NECTIN1: variants seen among roughly 807,000 people sequenced by gnomAD.
NECTIN1 encodes the protein nectin-1.
A neutral mutation model predicts 48.0 loss-of-function variants in NECTIN1; 23 were observed. The ratio of observed to expected loss-of-function variants is 0.48; its 90% CI spans 0.34 to 0.68. The LOEUF (loss-of-function observed/expected upper bound fraction) is 0.68. Among genes scored for constraint, NECTIN1 ranks in the 30% least tolerant of loss-of-function variants. The pLI, the probability that NECTIN1 is intolerant of heterozygous loss-of-function variation, is 0.01. For synonymous variants in NECTIN1, 270 were observed against 288.9 expected, an observed-to-expected ratio of 0.93 and a Z score of 0.66; for missense variants, 591 against 709.9, an observed-to-expected ratio of 0.83 and a Z score of 1.90.
chr11:119,643,604 G>A (rs1864355749), intron 5 of NECTIN1, among the ~76,000 whole-genome samples: 1 of 152,202 alleles, frequency 6.6e-6, no homozygotes, highest in Non-Finnish European at 1.5e-5. Context: ...TGAATAGGGG[G>A]GCCCTGGTTG....
chr11:119,678,406 G>T lies in NECTIN1; in HGVS notation c.430+9C>A, dbSNP rs760052974. The T allele has an allele frequency of 1.2e-6, 2 of 1,612,420 alleles. No individual in the cohort carries two copies. Among genetic ancestry groups the T allele is most frequent in the East Asian group, 2.2e-5 (1 of 44,874 alleles). On this transcript the variant is annotated intron_variant, in intron 2 of 5. Coordinates refer to ENST00000264025, the MANE Select transcript of NECTIN1 (RefSeq NM_002855.5). The surrounding 1 kb of genome is among the most constrained non-coding windows in gnomAD (Gnocchi z 4.4). ...TGGATGAACAGGGAGGGGGCCCAGG[G>T]CAGCTTACCCATCACCGTGAGATTG...
Position 119,677,340 on chromosome 11 carries a change from G to T in NECTIN1, c.734-121C>A. On this transcript the variant is annotated intron_variant, in intron 3 of 5. Coordinates refer to ENST00000264025, the MANE Select transcript of NECTIN1 (RefSeq NM_002855.5). The surrounding 1 kb of genome is among the most constrained non-coding windows in gnomAD (Gnocchi z 5.4). The stretch of plus-strand genomic sequence containing the variant: ...ATGGAAACAGCCAGGAGAGAGGGAA[G>T]TGTGGGTGGGAGGGTGGCAATCACA... 1 of 1,056,010 alleles carries T rather than the reference G, an allele frequency of 9.5e-7. No individual in the cohort carries two copies. The highest frequency in any genetic ancestry group is 1.5e-6 in the Non-Finnish European group (1 of 683,262). The allele number at this position is 1,056,010 out of a possible 1,614,324, so 65.4% of individuals were successfully genotyped here. A position where few individuals can be genotyped will look rare whatever the true frequency, so the allele number is the denominator to read the frequency against.
At position 119,729,050 on chromosome 11, in the gene NECTIN1, C is replaced by G; in HGVS notation, c.-497G>C. 1 of 150,498 alleles carries G rather than the reference C, an allele frequency of 6.6e-6. No homozygotes were observed. The highest frequency in any genetic ancestry group is 1.8e-4 in the South Asian group (1 of 5,612). The allele number at this position is 150,498 out of a possible 1,614,324, so 9.3% of individuals were successfully genotyped here. ...CGGGGCCCAGGCGGCGGGCGCGGGGCTCGGCGGTCGGCGGCCCGGGTGGCT... is the reference window on the plus strand; with the variant it reads ...CGGGGCCCAGGCGGCGGGCGCGGGGGTCGGCGGTCGGCGGCCCGGGTGGCT... On this transcript the variant is annotated 5_prime_UTR_variant, in exon 1 of 6. Coordinates refer to ENST00000264025, the MANE Select transcript of NECTIN1 (RefSeq NM_002855.5).
intron 6 of NECTIN1, among the ~76,000 whole-genome samples, chr11:119,639,130 C>G (rs1864282997): frequency 6.6e-6 from 1 of 152,208 alleles, no homozygotes; most frequent in African/African-American, 2.4e-5. Context: ...GGCCCTCACC[C>G]AGGGCGGGCA....
intron 5 of NECTIN1, chr11:119,674,331 C>A (rs999225236): frequency 1.5e-6 from 2 of 1,376,466 alleles, no homozygotes; most frequent in Non-Finnish European, 1.9e-6. Flanking sequence ...CAGTTTACCC[C>A]TGTGTGGACT....
chr11:119,695,625 G>A (rs1025528272), intron 1 of NECTIN1, among the ~76,000 whole-genome samples: 12 of 151,330 alleles, frequency 7.9e-5, no homozygotes, highest in Non-Finnish European at 7.4e-5. Flanking sequence ...AGGTCACTGC[G>A]ATCTTTTAAT....
Position 119,728,494 on chromosome 11 carries a change from C to G in NECTIN1, c.60G>C (p.Leu20Phe). The G allele has an allele frequency of 6.2e-7, 1 of 1,601,968 alleles. No individual in the cohort carries two copies. The highest frequency in any genetic ancestry group is 8.5e-7 in the Non-Finnish European group (1 of 1,175,294). ...TCTTACCTGGGAGGAAGAATGCGGT[C>G]AAGCCGAGAGCGAGTCCCCACCAGC... is the stretch of plus-strand genomic sequence containing the variant. ...AGRWWGLALG[L>F]TAFFLPGVHS... is the part of the protein sequence containing the mutation. The change falls in exon 1 of 6, where the codon TTG becomes TTC. Residue 20 changes from leucine (L) to phenylalanine (F), a missense_variant. Transcript: ENST00000264025.
Position 119,674,491 on chromosome 11 carries a change from T to C in NECTIN1, c.1003+668A>G, listed in dbSNP as rs1238189743. ...GACAACAGCCCTTCAAGGTACATCA[T>C]ACTGTCCCCGTTTTACAGATGGTGG... On this transcript the variant is annotated intron_variant, in intron 5 of 5. Coordinates refer to ENST00000264025, the MANE Select transcript of NECTIN1 (RefSeq NM_002855.5). 1.9e-6 allele frequency: 3 copies of C among 1,612,578 alleles called. No homozygotes were observed. In the Admixed American group the frequency reaches 5.0e-5, roughly 27 times the overall value.
In NECTIN1 at chr11:119,684,762, G is replaced by A. The variant is rs942320813; in HGVS notation, c.80-5997C>T. Among the ~76,000 whole-genome samples the A allele has an allele frequency of 3.9e-5, 6 of 152,174 alleles. No homozygotes were observed. The highest frequency in any genetic ancestry group is 9.7e-5 in the African/African-American group (4 of 41,440). ...GGGAGAGAGGCCGGTGTGGAGGAGCGTGCAATCAGGACACCCACTTCCTTT... is the reference window on the plus strand; with the variant it reads ...GGGAGAGAGGCCGGTGTGGAGGAGCATGCAATCAGGACACCCACTTCCTTT... On this transcript the variant is annotated intron_variant, in intron 1 of 5. Coordinates refer to ENST00000264025, the MANE Select transcript of NECTIN1 (RefSeq NM_002855.5). The surrounding 1 kb of genome is among the most constrained non-coding windows in gnomAD (Gnocchi z 5.2).
intron 5 of NECTIN1, among the ~76,000 whole-genome samples, chr11:119,670,481 A>G (rs1472120216): frequency 6.6e-6 from 1 of 152,140 alleles, no homozygotes; most frequent in African/African-American, 2.4e-5. Flanking sequence ...TTCTAGGCAG[A>G]GCAAGTATTG....
rs56350355 is a variant in NECTIN1, at chr11:119,670,644, C to CTTTT, written c.1003+4511_1003+4514dup. On this transcript the variant is annotated intron_variant, in intron 5 of 5. Coordinates refer to ENST00000264025, the MANE Select transcript of NECTIN1 (RefSeq NM_002855.5). Reference sequence around the variant, plus strand: ...TCTATTTAATTCTTTTTCCTAAGTCCTTTTTTTTTTTTTTTTTTTTGAGAC... The same window carrying CTTTT: ...TCTATTTAATTCTTTTTCCTAAGTCCTTTTTTTTTTTTTTTTTTTTTTTTGAGAC... Among the ~76,000 whole-genome samples, 236 of 113,884 alleles carry CTTTT rather than the reference C, an allele frequency of 2.1e-3. 10 individuals carry two copies. Among genetic ancestry groups the CTTTT allele is most frequent in the African/African-American group, 5.6e-3 (166 of 29,660 alleles). 74.7% of individuals were successfully genotyped at this position (113,884 alleles called of 152,430 possible). A position where few individuals can be genotyped will look rare whatever the true frequency, so the allele number is the denominator to read the frequency against.
At chr11:119,660,872 A>T (rs990785384), downstream of NECTIN1, 4 of 453,376 alleles carry the variant, frequency 8.8e-6, no homozygotes, top group Non-Finnish European at 8.7e-6. Context: ...GGAACCCTGG[A>T]ACCTGGACAT....
Position 119,727,264 on chromosome 11 carries a change from G to T in NECTIN1, c.79+1211C>A, listed in dbSNP as rs547339579. Among the ~76,000 whole-genome samples, 7 of 152,334 alleles carry T rather than the reference G, an allele frequency of 4.6e-5. No homozygotes were observed. Among genetic ancestry groups the T allele is most frequent in the African/African-American group, 1.7e-4 (7 of 41,570 alleles). ...CGATAACAAACTGCCTGGCCATTCTGCGGCAAAGCACATTGCAGGAACTCG... is the reference window on the plus strand; with the variant it reads ...CGATAACAAACTGCCTGGCCATTCTTCGGCAAAGCACATTGCAGGAACTCG... On this transcript the variant is annotated intron_variant, in intron 1 of 5. Coordinates refer to ENST00000264025, the MANE Select transcript of NECTIN1 (RefSeq NM_002855.5). This position sits in a 1 kb window ranked among gnomAD's most constrained non-coding sequence, Gnocchi z 4.1.
intron 5 of NECTIN1, among the ~76,000 whole-genome samples, chr11:119,668,191 C>T (rs929078454): frequency 2.0e-5 from 3 of 152,190 alleles, no homozygotes; most frequent in African/African-American, 7.2e-5. Flanking sequence ...GGTTTGCCAT[C>T]TTCCTTCTAA....
rs1591448536 is a variant in NECTIN1 at position 119,664,537 on chromosome 11, G to A, written c.*210C>T. 3.5e-6 allele frequency: 5 copies of A among 1,424,398 alleles called. No homozygotes were observed. The highest frequency in any genetic ancestry group is 3.7e-6 in the Non-Finnish European group (4 of 1,093,312). The allele number at this position is 1,424,398 out of a possible 1,614,324, so 88.2% of individuals were successfully genotyped here. Reference sequence around the variant, plus strand: ...AAGCCACAGTCGAACACAACACCATGGGGAAGGGCGGAGGAGAGGGAGGAA... The same window carrying A: ...AAGCCACAGTCGAACACAACACCATAGGGAAGGGCGGAGGAGAGGGAGGAA... On this transcript the variant is annotated 3_prime_UTR_variant, in exon 6 of 6. Transcript: ENST00000264025.
chr11:119,676,927 T>C lies in NECTIN1; in HGVS notation c.851+175A>G, dbSNP rs1864960967. Reference sequence around the variant, plus strand: ...TTGACACTGTCACACATGGACGTAATGTATATGTGTGTGTTGGGGGTGGGG... The same window carrying C: ...TTGACACTGTCACACATGGACGTAACGTATATGTGTGTGTTGGGGGTGGGG... On this transcript the variant is annotated intron_variant, in intron 4 of 5. Coordinates refer to ENST00000264025, the MANE Select transcript of NECTIN1 (RefSeq NM_002855.5). 3 of 660,816 alleles carry C rather than the reference T, an allele frequency of 4.5e-6. No homozygotes were observed. The Admixed American group carries it at 6.4e-5, about 14-fold the overall frequency. The allele number at this position is 660,816 out of a possible 1,614,324, so 40.9% of individuals were successfully genotyped here.
At chr11:119,704,819 G>A (rs1005634758) in intron 1 of NECTIN1, among the ~76,000 whole-genome samples, 4 of 152,242 alleles carry the variant, frequency 2.6e-5, no homozygotes, top group Non-Finnish European at 4.4e-5. Flanking sequence ...AGCCATGACT[G>A]CGCACGCCAG....
At chr11:119,643,311 G>C (rs1864351773) in intron 5 of NECTIN1, among the ~76,000 whole-genome samples, 2 of 152,248 alleles carry the variant, frequency 1.3e-5, no homozygotes, top group African/African-American at 2.4e-5. Context: ...GCAAGGCACT[G>C]TGCCAGGTGC....
At position 119,663,410 on chromosome 11, in the gene NECTIN1, A is replaced by T. The variant is rs114244021; in HGVS notation, c.*1337T>A. ...AAGAAGGGAATCTGCACTGAAAGGG[A>T]GGGCTTCTCCTAGGCCCTCCCCTCA... On this transcript the variant is annotated 3_prime_UTR_variant, in exon 6 of 6. Coordinates refer to ENST00000264025, the MANE Select transcript of NECTIN1 (RefSeq NM_002855.5). 1.0e-6 allele frequency: 1 copy of T among 985,438 alleles called. No homozygotes were observed. The highest frequency in any genetic ancestry group is 1.2e-6 in the Non-Finnish European group (1 of 829,930). 61.0% of individuals were successfully genotyped at this position (985,438 alleles called of 1,614,324 possible).
Sources: gnomAD v4.1 joint callset for allele counts (sites outside exome capture counted in the v4.1 genomes callset) on GRCh38, gnomAD v4.1.1 for gene constraint, Gnocchi (gnomAD v3.1) non-coding constraint, MANE v1.5 for transcripts, NCBI Gene and HGNC (gene_info 2026-07-23, HGNC 2026-07-21) for gene names.